The following MAPK8IP3 variants were observed in gnomAD, a reference collection of about 807,000 sequenced individuals.
MAPK8IP3 encodes the protein mitogen-activated protein kinase 8 interacting protein 3.
A neutral mutation model predicts 157.8 loss-of-function variants in MAPK8IP3; 49 were observed. That is an observed-to-expected ratio of 0.31 (90% confidence interval 0.25 to 0.39). The LOEUF (loss-of-function observed/expected upper bound fraction) is 0.39. Among genes scored for constraint, MAPK8IP3 ranks in the 10% least tolerant of loss-of-function variants. The probability of loss-of-function intolerance (pLI) is 1.00; values close to 1 mark genes in which losing one functional copy is unlikely to be tolerated. For missense variants in MAPK8IP3, 1,478 were observed against 1,889.4 expected (o/e 0.78, Z 4.04); for synonymous variants, 897 against 777.7 (o/e 1.15, Z -2.55).
At position 1,748,291 on chromosome 16, in the gene MAPK8IP3, T is replaced by C. The variant is rs374275928; in HGVS notation, c.1042T>C (p.Ser348Pro). The C allele has an allele frequency of 6.2e-7, 1 of 1,613,876 alleles. No homozygotes were observed. The highest frequency in any genetic ancestry group is 1.3e-5 in the African/African-American group (1 of 74,918). Reference protein sequence around the residue: ...EWSDVQDIIDSTPELDMCPET... With the variant: ...EWSDVQDIIDPTPELDMCPET... Reference sequence around the variant, plus strand: ...GTCTGATGTTCAAGACATTATTGACTCCACGCCAGAGCTGGACATGTGTCC... The same window carrying C: ...GTCTGATGTTCAAGACATTATTGACCCCACGCCAGAGCTGGACATGTGTCC... Residue 348 changes from serine (S) to proline (P), a missense_variant, in exon 7 of 32, where the codon TCC (serine) becomes CCC (proline). Ser to Pro is a moderately conservative substitution (Grantham distance 74, BLOSUM62 -1). Coordinates refer to ENST00000610761, the MANE Select transcript of MAPK8IP3 (RefSeq NM_001318852.2).
At chr16:1,714,020 G>C (rs1284446815) in intron 1 of MAPK8IP3, 2 of 152,152 alleles carry the variant, frequency 1.3e-5, no homozygotes, top group African/African-American at 4.8e-5. Context: ...AGTCACTGTA[G>C]GTTAATTTGC....
chr16:1,752,911 T>G (rs1022730617), intron 8 of MAPK8IP3, among the ~76,000 whole-genome samples: 6 of 152,212 alleles, frequency 3.9e-5, no homozygotes, highest in Non-Finnish European at 8.8e-5. Context: ...TGCGCCCCTC[T>G]GCCCTAATCA....
At chr16:1,748,831 C>T in intron 8 of MAPK8IP3, 111 bp downstream of exon 8, 1 of 985,050 alleles carries the variant, frequency 1.0e-6, no homozygotes. Flanking sequence ...GAGCTAGGAA[C>T]CTTTTTTTTT....
In MAPK8IP3 at chr16:1,729,185, G is replaced by T. The variant is rs758077300; in HGVS notation, c.487G>T (p.Ala163Ser). The T allele has an allele frequency of 3.1e-6, 5 of 1,614,008 alleles. No homozygotes were observed. The highest frequency in any genetic ancestry group is 3.4e-6 in the Non-Finnish European group (4 of 1,180,018). The change falls in exon 3 of 32, where the codon GCC becomes TCC. Residue 163 changes from alanine (A) to serine (S), a missense_variant. This residue lies in a region of MAPK8IP3 where 315 missense variants were observed against 394.4 expected (regional missense o/e 0.80). Coordinates refer to ENST00000610761, the MANE Select transcript of MAPK8IP3 (RefSeq NM_001318852.2). ...RESEMKKEYN[A>S]LHQRHTEMIQ... The stretch of plus-strand genomic sequence containing the variant: ...GTCGGAGATGAAGAAGGAGTACAAT[G>T]CCCTGCACCAGCGGCACACAGAGGT...
intron 19 of MAPK8IP3, 122 bp downstream of exon 19, chr16:1,764,581 C>T: frequency 7.4e-7 from 1 of 1,342,286 alleles, no homozygotes; most frequent in East Asian, 2.5e-5. Context: ...CAGGGCAGCG[C>T]AGGGGCTCCT....
At chr16:1,764,090 C>T in intron 17 of MAPK8IP3, 25 bp from the exon 18 acceptor site, 1 of 1,574,938 alleles carries the variant, frequency 6.3e-7, no homozygotes, top group South Asian at 1.1e-5. Context: ...GGTTCGTGCC[C>T]ACGGCGCCTC....
chr16:1,764,365 G>C lies in MAPK8IP3; in HGVS notation c.2186G>C (p.Gly729Ala). The C allele has an allele frequency of 3.2e-6, 5 of 1,586,404 alleles. No homozygotes were observed. Among genetic ancestry groups the C allele is most frequent in the Non-Finnish European group, 4.3e-6 (5 of 1,167,936 alleles). ...CCCAATGAGGACGACGCTGGGAATG[G>C]AGTCAAGCCAGCGCCAGGCCGCGAT... ...WRPNEDDAGN[G>A]VKPAPGRDPL... Residue 729 changes from glycine (G) to alanine (A), a missense_variant, in exon 19 of 32, where the codon GGA (glycine) becomes GCA (alanine). Around this residue, in one of 11 missense-constraint regions of MAPK8IP3, gnomAD observed 669 missense variants for 759.8 expected, o/e 0.88. Coordinates refer to ENST00000610761, the MANE Select transcript of MAPK8IP3 (RefSeq NM_001318852.2).
At position 1,767,307 on chromosome 16, in the gene MAPK8IP3, G is replaced by C; in HGVS notation, c.3237+10G>C. ...GACCATGCAGATAGAGGCGAGTGCC[G>C]GCCAGGGCCCCGGGGAGGGGAAGAG... On this transcript the variant is annotated intron_variant, in intron 26 of 31. Coordinates refer to ENST00000610761, the MANE Select transcript of MAPK8IP3 (RefSeq NM_001318852.2). The C allele has an allele frequency of 1.2e-6, 2 of 1,612,608 alleles. No homozygotes were observed. Among genetic ancestry groups the C allele is most frequent in the South Asian group, 1.1e-5 (1 of 91,058 alleles).
chr16:1,738,431 A>T lies in MAPK8IP3; in HGVS notation c.603-4901A>T, dbSNP rs577443477. 5.7e-3 allele frequency among the ~76,000 whole-genome samples: 235 copies of T among 41,244 alleles called. 7 individuals are homozygous for T. The highest frequency in any genetic ancestry group is 0.022 in the Middle Eastern group (1 of 46). The allele number at this position is 41,244 out of a possible 152,430, so 27.1% of individuals were successfully genotyped here. On this transcript the variant is annotated intron_variant, in intron 4 of 31. Transcript: ENST00000610761. ...GTCCGTGTGAGCGTGTGACCGTGTG[A>T]GAGAGTGACCATCCATGTGAGCATG...
rs1034281949 is a variant in MAPK8IP3 at position 1,710,236 on chromosome 16, C to A, written c.318+3579C>A. On this transcript the variant is annotated intron_variant, in intron 1 of 31. Transcript: ENST00000610761. This position sits in a 1 kb window ranked among gnomAD's most constrained non-coding sequence, Gnocchi z 4.1. ...CCAACATTTGACATTGAACTCCTGA[C>A]CTCCTCATCTCAGGTCAGGAGTTTG... Among the ~76,000 whole-genome samples the A allele has an allele frequency of 6.6e-6, 1 of 151,646 alleles. No homozygotes were observed.
rs772269719 is a variant in MAPK8IP3 at position 1,747,307 on chromosome 16, C to T, written c.994+32C>T. ...GCCCACCTCCGGGACTCTGGGCTCCCTCGGGCAGGAGGCAGGGCTTGGTTT... is the reference window on the plus strand; with the variant it reads ...GCCCACCTCCGGGACTCTGGGCTCCTTCGGGCAGGAGGCAGGGCTTGGTTT... On this transcript the variant is annotated intron_variant, in intron 6 of 31. Transcript: ENST00000610761. 1.8e-5 allele frequency: 29 copies of T among 1,604,198 alleles called. No individual in the cohort carries two copies. The South Asian group carries it at 2.4e-4, about 13-fold the overall frequency.
In MAPK8IP3 at chr16:1,742,287, T is replaced by G. The variant is rs1450692747; in HGVS notation, c.603-1045T>G. Among the ~76,000 whole-genome samples the G allele has an allele frequency of 6.6e-6, 1 of 152,138 alleles. No individual in the cohort carries two copies. Among genetic ancestry groups the G allele is most frequent in the Non-Finnish European group, 1.5e-5 (1 of 68,006 alleles). On this transcript the variant is annotated intron_variant, in intron 4 of 31. Transcript: ENST00000610761. The surrounding 1 kb of genome is among the most constrained non-coding windows in gnomAD (Gnocchi z 5.0). The stretch of plus-strand genomic sequence containing the variant: ...TGGGCTCCATCCCTGCTCTTGCTTA[T>G]GGCCCACAGGAGGTCATCCCTAGGG...
chr16:1,767,053 G>A, intron 25 of MAPK8IP3, 82 bp downstream of exon 25: 1 of 1,575,964 alleles, frequency 6.3e-7, no homozygotes. Context: ...GGGGTTCCAG[G>A]CCTCTCCTTA....
chr16:1,743,879 A>G lies in MAPK8IP3; in HGVS notation c.747+403A>G. The G allele has an allele frequency of 9.5e-7, 1 of 1,057,278 alleles. No individual in the cohort carries two copies. Among genetic ancestry groups the G allele is most frequent in the South Asian group, 3.1e-5 (1 of 32,102 alleles). The allele number at this position is 1,057,278 out of a possible 1,614,324, so 65.5% of individuals were successfully genotyped here. ...TCCTGCCCCTGAGAGCCACGCCTCT[A>G]CTCTCGGAGGAACGTCAGTGTCTAG... On this transcript the variant is annotated intron_variant, in intron 5 of 31. Coordinates refer to ENST00000610761, the MANE Select transcript of MAPK8IP3 (RefSeq NM_001318852.2). The surrounding 1 kb of genome is among the most constrained non-coding windows in gnomAD (Gnocchi z 5.6).
chr16:1,707,258 G>A (rs955874029), intron 1 of MAPK8IP3: 2 of 152,300 alleles, frequency 1.3e-5, no homozygotes, highest in African/African-American at 4.8e-5. Flanking sequence ...TATTTTGAAG[G>A]TCTGTGACAC....
chr16:1,739,642 CCG>C (rs2040489877), intron 4 of MAPK8IP3, among the ~76,000 whole-genome samples: 1 of 118,150 alleles, frequency 8.5e-6, no homozygotes, highest in African/African-American at 3.3e-5. Context: ...TTCCGTGTGA[CCG>C]TCCGTGTGAG....
At chr16:1,722,543 C>T (rs1252319418) in intron 1 of MAPK8IP3, among the ~76,000 whole-genome samples, 2 of 152,112 alleles carry the variant, frequency 1.3e-5, no homozygotes, top group Non-Finnish European at 2.9e-5. Context: ...TTTATATTCC[C>T]ATCTTCTGAG....
intron 1 of MAPK8IP3, among the ~76,000 whole-genome samples, chr16:1,711,895 G>T (rs2037796678): frequency 6.8e-6 from 1 of 146,994 alleles, no homozygotes; most frequent in Non-Finnish European, 1.5e-5. Flanking sequence ...AGCCGAGATT[G>T]CAACGCTACT....
At chr16:1,714,987 T>C (rs1331144739) in intron 1 of MAPK8IP3, among the ~76,000 whole-genome samples, 1 of 152,150 alleles carries the variant, frequency 6.6e-6, no homozygotes, top group Non-Finnish European at 1.5e-5. Context: ...TTTATCTTCA[T>C]TTTTCTTCCG....
Sources: gnomAD v4.1 joint callset for allele counts (sites outside exome capture counted in the v4.1 genomes callset) on GRCh38, gnomAD v4.1.1 for gene constraint, gnomAD v4.1.1 regional missense constraint, Gnocchi (gnomAD v3.1) non-coding constraint, MANE v1.5 for transcripts, NCBI Gene and HGNC (gene_info 2026-07-23, HGNC 2026-07-21) for gene names.